The following ESS2 variants were observed in gnomAD, a reference collection of about 807,000 sequenced individuals.
ESS2 encodes the protein splicing factor ESS-2 homolog.
In ESS2, 31 loss-of-function variants were observed where a neutral mutation model predicts 52.0. The ratio of observed to expected loss-of-function variants is 0.60; its 90% confidence interval spans 0.45 to 0.81. ESS2 has a LOEUF of 0.81. Among genes scored for constraint, ESS2 ranks in the 30% least tolerant of loss-of-function variants. The pLI is 0.00. For synonymous variants in ESS2, 285 were observed against 259.2 expected (o/e 1.10, Z -0.95); for missense variants, 602 against 637.2 (o/e 0.94, Z 0.59).
At position 19,138,269 on chromosome 22, in the gene ESS2, C is replaced by A. The variant is rs1441883104; in HGVS notation, c.871G>T (p.Glu291Ter). ...CCAAATCCACCCACTCGAGGGGACTCCTGGGGGATCAGCTCCTTGCCATCG... is the reference window on the plus strand; with the variant it reads ...CCAAATCCACCCACTCGAGGGGACTACTGGGGGATCAGCTCCTTGCCATCG... ...GPDGKELIPQESPRVGGFGFV... is the reference protein window; with the variant it reads ...GPDGKELIPQ Residue 291 changes from glutamate (E) to a stop codon, truncating the protein, a stop_gained, in exon 7 of 10, where the codon GAG (glutamate) becomes TAG (stop). Coordinates refer to ENST00000252137, the MANE Select transcript of ESS2 (RefSeq NM_022719.3). LOFTEE classifies it high-confidence loss of function. 6.2e-7 allele frequency: 1 copy of A among 1,613,982 alleles called. No individual in the cohort carries two copies. The highest frequency in any genetic ancestry group is 8.5e-7 in the Non-Finnish European group (1 of 1,179,948).
At chr22:19,139,490 A>G in intron 5 of ESS2, 122 bp downstream of exon 5, 1 of 1,247,690 alleles carries the variant, frequency 8.0e-7, no homozygotes, top group South Asian at 1.3e-5. Flanking sequence ...ACCAGTACCC[A>G]TCAGAAGCCC....
At position 19,130,490 on chromosome 22, in the gene ESS2, G is replaced by A. The variant is rs1013727234; in HGVS notation, c.*3706C>T. 3.0e-5 allele frequency: 10 copies of A among 328,412 alleles called. No individual in the cohort carries two copies. Among genetic ancestry groups the A allele is most frequent in the African/African-American group, 4.4e-5 (2 of 45,298 alleles). 20.3% of individuals were successfully genotyped at this position (328,412 alleles called of 1,614,324 possible). A position where few individuals can be genotyped will look rare whatever the true frequency, so the allele number is the denominator to read the frequency against. Reference sequence around the variant, plus strand: ...GGCAAAAAAAATGCTTGCTAAGTCCGATTAAAAGGGGCCCAGTGCCTTCAA... The same window carrying A: ...GGCAAAAAAAATGCTTGCTAAGTCCAATTAAAAGGGGCCCAGTGCCTTCAA... On this transcript the variant is annotated 3_prime_UTR_variant, in exon 10 of 10. Coordinates refer to ENST00000252137, the MANE Select transcript of ESS2 (RefSeq NM_022719.3).
chr22:19,143,858 C>A (rs2083738197), intron 1 of ESS2, among the ~76,000 whole-genome samples: 1 of 152,134 alleles, frequency 6.6e-6, no homozygotes, highest in African/African-American at 2.4e-5. Context: ...GACTCCGTCT[C>A]AAAAAATAAA....
At chr22:19,144,140 A>G in intron 1 of ESS2, 1 of 1,054,928 alleles carries the variant, frequency 9.5e-7, no homozygotes, top group Non-Finnish European at 1.1e-6. Context: ...TGCTGTCACA[A>G]CTGCGGTCTC....
rs1463567466 is a variant in ESS2, at chr22:19,137,354, T to A, written c.1004A>T (p.Tyr335Phe). The A allele has an allele frequency of 6.2e-7, 1 of 1,613,832 alleles. No homozygotes were observed. The highest frequency in any genetic ancestry group is 8.5e-7 in the Non-Finnish European group (1 of 1,179,864). The change falls in exon 8 of 10, where the codon TAC becomes TTC. Residue 335 changes from tyrosine (Y) to phenylalanine (F), a missense_variant. By Grantham distance (22) the Tyr-to-Phe change is conservative. Transcript: ENST00000252137. ...PLRVEGSETP[Y>F]VDRTPGPAFK... ...AGCTGGGCCGGGTGTCCTGTCCACG[T>A]AGGGCGTTTCCGACCCTTCAACTCT...
Position 19,131,041 on chromosome 22 carries a change from C to T in ESS2, c.*3155G>A. The T allele has an allele frequency of 4.0e-6, 1 of 252,796 alleles. No homozygotes were observed. Among genetic ancestry groups the T allele is most frequent in the South Asian group, 6.8e-5 (1 of 14,812 alleles). The allele number at this position is 252,796 out of a possible 1,614,324, so 15.7% of individuals were successfully genotyped here. On this transcript the variant is annotated 3_prime_UTR_variant, in exon 10 of 10. Transcript: ENST00000252137. This position sits in a 1 kb window ranked among gnomAD's most constrained non-coding sequence, Gnocchi z 5.7. The stretch of plus-strand genomic sequence containing the variant: ...ACAGGCTGGACGTGGGCCGCCTCCC[C>T]TCCAGCTTGACTTGTGACAGGGAAA...
At position 19,134,023 on chromosome 22, in the gene ESS2, C is replaced by T. The variant is rs776511098; in HGVS notation, c.*173G>A. 3.4e-5 allele frequency: 25 copies of T among 732,494 alleles called. No homozygotes were observed. The highest frequency in any genetic ancestry group is 4.0e-5 in the Non-Finnish European group (21 of 519,182). The allele number at this position is 732,494 out of a possible 1,614,324, so 45.4% of individuals were successfully genotyped here. ...AAGGCCCTGGGGTGTGGTGTGGGCA[C>T]GAGTGCCTTGTGCCAGTCTGGCCCC... On this transcript the variant is annotated 3_prime_UTR_variant, in exon 10 of 10. Transcript: ENST00000252137.
chr22:19,137,432 C>A lies in ESS2; in HGVS notation c.926G>T (p.Gly309Val). ...GFVATPSPAP[G>V]VNESPMMTWG... ...GGTCATCATCGGGGACTCGTTCACA[C>A]CTGCAGACAAAGAGCCCAAAACCAC... is the stretch of plus-strand genomic sequence containing the variant. Residue 309 changes from glycine (G) to valine (V), a missense_variant and splice_region_variant, in exon 8 of 10, where the codon GGT (glycine) becomes GTT (valine). Coordinates refer to ENST00000252137, the MANE Select transcript of ESS2 (RefSeq NM_022719.3). 1 of 1,611,368 alleles carries A rather than the reference C, an allele frequency of 6.2e-7. No homozygotes were observed. Among genetic ancestry groups the A allele is most frequent in the Non-Finnish European group, 8.5e-7 (1 of 1,178,474 alleles).
At chr22:19,139,012 G>A (rs899048117) in intron 6 of ESS2, 147 bp downstream of exon 6, 11 of 1,143,026 alleles carry the variant, frequency 9.6e-6, no homozygotes, top group Non-Finnish European at 1.3e-5. Context: ...TGGGGCCAAG[G>A]AAAGACTCAG....
intron 7 of ESS2, chr22:19,137,970 A>T (rs1055307130): frequency 1.6e-5 from 16 of 985,274 alleles, no homozygotes; most frequent in African/African-American, 5.2e-5. Context: ...AAGGACCAGG[A>T]CAGGACACGT....
chr22:19,142,814 C>T lies in ESS2; in HGVS notation c.216G>A (p.Glu72=). 6.2e-7 allele frequency: 1 copy of T among 1,614,156 alleles called. No individual in the cohort carries two copies. The highest frequency in any genetic ancestry group is 8.5e-7 in the Non-Finnish European group (1 of 1,180,038). Reference sequence around the variant, plus strand: ...GCATCCGTTCCAAGTCTCCATTCTCCTCGGCTTCCAGGTACTCCTTCTGTG... The same window carrying T: ...GCATCCGTTCCAAGTCTCCATTCTCTTCGGCTTCCAGGTACTCCTTCTGTG... ...LQAQKEYLEA[E]ENGDLERMRQ... is the part of the protein sequence containing the mutation. The change falls in exon 2 of 10, where the codon GAG becomes GAA. Residue 72 remains glutamate, a synonymous_variant. Transcript: ENST00000252137.
chr22:19,132,198 C>T lies in ESS2; in HGVS notation c.*1998G>A. ...CCAGCGGCTCCACATCGATGAGATC[C>T]TCAGCCACTCGTGGCTGCAGCCCCC... On this transcript the variant is annotated 3_prime_UTR_variant, in exon 10 of 10. Coordinates refer to ENST00000252137, the MANE Select transcript of ESS2 (RefSeq NM_022719.3). The surrounding 1 kb of genome is among the most constrained non-coding windows in gnomAD (Gnocchi z 4.2). 1 of 1,612,910 alleles carries T rather than the reference C, an allele frequency of 6.2e-7. No homozygotes were observed. Among genetic ancestry groups the T allele is most frequent in the Non-Finnish European group, 8.5e-7 (1 of 1,179,090 alleles).
chr22:19,143,218 AAAG>A (rs1201328682), intron 1 of ESS2, among the ~76,000 whole-genome samples: 1 of 150,796 alleles, frequency 6.6e-6, no homozygotes, highest in Non-Finnish European at 1.5e-5. Flanking sequence ...AAAAAAAAAA[AAAG>A]AAAAAAGAAA....
rs1320758640 is a variant in ESS2 at position 19,135,129 on chromosome 22, T to C, written c.1082A>G (p.Asn361Ser). The change falls in exon 9 of 10, where the codon AAC (asparagine) becomes AGC (serine). Residue 361 changes from asparagine to serine, a missense_variant. Transcript: ENST00000252137. The stretch of plus-strand genomic sequence containing the variant: ...GGCCCGGTTCTTGGCAGCGGCCTCG[T>C]TGGCCATCTTCAGACCCAGCCGCTC... ...RRERLGLKMA[N>S]EAAAKNRAKK... is the part of the protein sequence containing the mutation. 1.2e-6 allele frequency: 2 copies of C among 1,613,908 alleles called. No homozygotes were observed. Among genetic ancestry groups the C allele is most frequent in the Non-Finnish European group, 1.7e-6 (2 of 1,179,948 alleles).
At chr22:19,141,183 TTCAACAGATAA>T (rs1258436438) in intron 3 of ESS2, among the ~76,000 whole-genome samples, 1 of 151,736 alleles carries the variant, frequency 6.6e-6, no homozygotes, top group African/African-American at 2.4e-5. Flanking sequence ...CAAGCTACAT[TTCAACAGATAA>T]TCAAGCTTCA....
chr22:19,139,110 C>G, intron 6 of ESS2, 49 bp downstream of exon 6: 1 of 1,543,632 alleles, frequency 6.5e-7, no homozygotes, highest in Middle Eastern at 1.9e-4. Context: ...TGCCCCCAGG[C>G]AGCCCTGTCC....
At chr22:19,139,754 T>G (rs1468233725) in intron 4 of ESS2, 25 bp from the exon 5 acceptor site, 1 of 1,614,070 alleles carries the variant, frequency 6.2e-7, no homozygotes, top group Non-Finnish European at 8.5e-7. Context: ...GGAAAAGTGA[T>G]GGTCAGAGAT....
At chr22:19,140,141 TC>T in intron 3 of ESS2, 117 bp from the exon 4 acceptor site, 1 of 1,297,262 alleles carries the variant, frequency 7.7e-7, no homozygotes, top group Non-Finnish European at 1.1e-6. Flanking sequence ...TCTCCCCTGG[TC>T]CTGGCTTCTG....
At position 19,135,189 on chromosome 22, in the gene ESS2, G is replaced by C. The variant is rs750563635; in HGVS notation, c.1036-14C>G. 4 of 1,604,720 alleles carry C rather than the reference G, an allele frequency of 2.5e-6. No homozygotes were observed. In the South Asian group the frequency reaches 3.3e-5, roughly 13 times the overall value. On this transcript the variant is annotated splice_polypyrimidine_tract_variant and intron_variant, in intron 8 of 9. Transcript: ENST00000252137. ...TGGCTCCAGGATCTACAAGGTAGCA[G>C]GTGTGTGGGTAGCTGCGCCAGGCCT...
Sources: allele counts gnomAD v4.1 joint callset (sites outside exome capture counted in the v4.1 genomes callset), GRCh38; gene constraint gnomAD v4.1.1; non-coding constraint Gnocchi (gnomAD v3.1); transcripts MANE v1.5; gene names NCBI Gene and HGNC (gene_info 2026-07-23, HGNC 2026-07-21).